The following ADRA1B variants were observed in gnomAD, a reference collection of about 807,000 sequenced individuals.
The protein encoded by ADRA1B is alpha-1B adrenergic receptor.
Under a neutral mutation model 17.9 loss-of-function variants are expected in ADRA1B, and 17 were observed. That is an observed-to-expected ratio of 0.95 (90% CI 0.65 to 1.42). ADRA1B has a LOEUF of 1.42. ADRA1B is among the 40% of genes most tolerant of loss of function. The probability of loss-of-function intolerance (pLI) is 0.00; values close to 1 mark genes in which losing one functional copy is unlikely to be tolerated. For missense variants in ADRA1B, 681 were observed against 722.1 expected (o/e 0.94, Z 0.65); for synonymous variants, 366 against 327.6 (o/e 1.12, Z -1.27).
At chr5:159,888,996 G>T (rs1486553198) in intron 1 of ADRA1B, among the ~76,000 whole-genome samples, 1 of 152,198 alleles carries the variant, frequency 6.6e-6, no homozygotes, top group Admixed American at 6.6e-5. Flanking sequence ...CAAGCTCCAA[G>T]CTAGTACTGA....
chr5:159,959,889 A>G (rs1234622174), intron 1 of ADRA1B, among the ~76,000 whole-genome samples: 1 of 152,164 alleles, frequency 6.6e-6, no homozygotes, highest in Non-Finnish European at 1.5e-5. Context: ...CAGAGTTTAG[A>G]AATAATATTG....
chr5:159,959,376 C>T (rs372527303), intron 1 of ADRA1B, among the ~76,000 whole-genome samples: 6 of 152,310 alleles, frequency 3.9e-5, no homozygotes, highest in Non-Finnish European at 5.9e-5. Context: ...ATGAAAAGGA[C>T]GTTATGTGCT....
intron 1 of ADRA1B, among the ~76,000 whole-genome samples, chr5:159,919,346 T>C (rs1754414547): frequency 6.6e-6 from 1 of 152,194 alleles, no homozygotes; most frequent in Non-Finnish European, 1.5e-5. Flanking sequence ...TGGATGACAG[T>C]TCACACTGCA....
At chr5:159,909,480 G>C (rs956756932) in intron 1 of ADRA1B, among the ~76,000 whole-genome samples, 1 of 152,196 alleles carries the variant, frequency 6.6e-6, no homozygotes, top group African/African-American at 2.4e-5. Flanking sequence ...TCCCCCAAAA[G>C]GGTTGGATGG....
upstream of ADRA1B, among the ~76,000 whole-genome samples, chr5:159,913,948 C>G (rs1450418220): frequency 6.6e-6 from 1 of 152,168 alleles, no homozygotes; most frequent in Non-Finnish European, 1.5e-5. Context: ...CTGGTATTCT[C>G]TTCCTCCTCC....
At chr5:159,979,153 C>T in the ADRA1B span, among the ~76,000 whole-genome samples, 1 of 143,098 alleles carries the variant, frequency 7.0e-6, no homozygotes, top group East Asian at 2.0e-4. Flanking sequence ...CAGTAAGACC[C>T]TATCTCTACA....
chr5:159,910,535 A>G (rs1754217411), intron 1 of ADRA1B, among the ~76,000 whole-genome samples: 1 of 152,216 alleles, frequency 6.6e-6, no homozygotes, highest in South Asian at 2.1e-4. Context: ...TGAAAGGTTA[A>G]CAAATTTTTT....
intron 1 of ADRA1B, chr5:159,929,112 C>G (rs529972480): frequency 3.3e-5 from 5 of 152,152 alleles, no homozygotes; most frequent in Admixed American, 3.3e-4. Context: ...TCACAGTCAA[C>G]ACATCAAATA....
chr5:159,939,836 T>G lies in ADRA1B; in HGVS notation c.949+21982T>G, dbSNP rs571092948. ...TTCCCTCTGCCTGTAACACCCTTCC[T>G]TCTCTCCTGTGCACTGTGAGTTCCT... On this transcript the variant is annotated intron_variant, in intron 1 of 1. Coordinates refer to ENST00000306675, the MANE Select transcript of ADRA1B (RefSeq NM_000679.4). Among the ~76,000 whole-genome samples, 9 of 152,308 alleles carry G rather than the reference T, an allele frequency of 5.9e-5. No individual in the cohort carries two copies. In the South Asian group the frequency reaches 1.9e-3, roughly 32 times the overall value.
At chr5:159,905,769 G>C (rs1311568159) in intron 1 of ADRA1B, among the ~76,000 whole-genome samples, 1 of 152,208 alleles carries the variant, frequency 6.6e-6, no homozygotes, top group Non-Finnish European at 1.5e-5. Context: ...GGAGGGGCAG[G>C]ACAGTCTTCC....
intron 1 of ADRA1B, among the ~76,000 whole-genome samples, chr5:159,945,902 C>T (rs1379401225): frequency 3.9e-5 from 6 of 152,138 alleles, no homozygotes; most frequent in East Asian, 1.9e-4. Context: ...CGCCCGCCAC[C>T]ATGCCTGGCT....
intron 1 of ADRA1B, among the ~76,000 whole-genome samples, chr5:159,873,071 T>C (rs535890385): frequency 6.2e-4 from 94 of 152,140 alleles, no homozygotes; most frequent in Non-Finnish European, 9.7e-4. Flanking sequence ...TGATGGTTTC[T>C]AGCTTCATCC....
In ADRA1B at chr5:159,972,913, G is replaced by A. The variant is rs554930185; in HGVS notation, c.*421G>A. Among the ~76,000 whole-genome samples the A allele has an allele frequency of 1.1e-4, 17 of 152,324 alleles. No homozygotes were observed. Among genetic ancestry groups the A allele is most frequent in the African/African-American group, 4.1e-4 (17 of 41,580 alleles). On this transcript the variant is annotated 3_prime_UTR_variant, in exon 2 of 2. Coordinates refer to ENST00000306675, the MANE Select transcript of ADRA1B (RefSeq NM_000679.4). ...GGCAACCGGGGGCGTTGTGTGTGTC[G>A]TGACTTCGTACCTCTCAAGCCCCTC...
chr5:159,929,882 G>T (rs1200803803), intron 1 of ADRA1B, among the ~76,000 whole-genome samples: 1 of 152,158 alleles, frequency 6.6e-6, no homozygotes, highest in African/African-American at 2.4e-5. Context: ...TTATTTGTAA[G>T]CATACATATC....
chr5:159,906,184 G>A (rs1754159342), intron 1 of ADRA1B, among the ~76,000 whole-genome samples: 1 of 152,120 alleles, frequency 6.6e-6, no homozygotes, highest in Non-Finnish European at 1.5e-5. Flanking sequence ...CCCAGTGGAG[G>A]CAAGACTGGC....
At chr5:159,956,384 G>A (rs1755550497) in intron 1 of ADRA1B, among the ~76,000 whole-genome samples, 1 of 150,282 alleles carries the variant, frequency 6.7e-6, no homozygotes, top group Admixed American at 6.6e-5. Context: ...TTTTTTTGTT[G>A]GCTGTAACTA....
intron 1 of ADRA1B, among the ~76,000 whole-genome samples, chr5:159,921,376 A>G (rs989536705): frequency 2.6e-5 from 4 of 152,172 alleles, no homozygotes; most frequent in Non-Finnish European, 5.9e-5. Context: ...AGTATTTCTT[A>G]CTCCATGAGC....
chr5:159,921,100 T>A (rs1260429393), intron 1 of ADRA1B, among the ~76,000 whole-genome samples: 1 of 152,220 alleles, frequency 6.6e-6, no homozygotes, highest in Non-Finnish European at 1.5e-5. Context: ...CCATTTGTTT[T>A]CCTTCATCTC....
intron 1 of ADRA1B, among the ~76,000 whole-genome samples, chr5:159,938,250 C>A (rs971416761): frequency 1.3e-5 from 2 of 152,158 alleles, no homozygotes; most frequent in East Asian, 3.8e-4. Flanking sequence ...CTTGTATTGA[C>A]CAATTAGCTA....
Sources: allele counts gnomAD v4.1 joint callset (sites outside exome capture counted in the v4.1 genomes callset), GRCh38; gene constraint gnomAD v4.1.1; transcripts MANE v1.5; gene names NCBI Gene and HGNC (gene_info 2026-07-23, HGNC 2026-07-21).